KLHL29: variants seen among roughly 807,000 people sequenced by gnomAD.
KLHL29 encodes the protein kelch like family member 29, also known as kelch-like protein 29.
Under a neutral mutation model 80.4 loss-of-function variants are expected in KLHL29, and 21 were observed. That is an observed-to-expected ratio of 0.26 (90% CI 0.19 to 0.38). The LOEUF is 0.38. Among genes scored for constraint, KLHL29 ranks in the 10% least tolerant of loss-of-function variants. The pLI, the probability that KLHL29 is intolerant of heterozygous loss-of-function variation, is 1.00. For synonymous variants in KLHL29, 511 were observed against 526.8 expected (o/e 0.97, Z 0.41); for missense variants, 867 against 1,223.9 (o/e 0.71, Z 4.35).
intron 1 of KLHL29, among the ~76,000 whole-genome samples, chr2:23,473,818 A>G (rs769432415): frequency 6.6e-6 from 1 of 151,924 alleles, no homozygotes; most frequent in South Asian, 2.1e-4. Flanking sequence ...CTCTGGCCTC[A>G]CCTCTTACTA....
At chr2:23,405,393 A>G (rs1666699193) in intron 1 of KLHL29, among the ~76,000 whole-genome samples, 1 of 152,252 alleles carries the variant, frequency 6.6e-6, no homozygotes, top group African/African-American at 2.4e-5. Flanking sequence ...ATCATTTGAC[A>G]AAACAATGCA....
intron 2 of KLHL29, among the ~76,000 whole-genome samples, chr2:23,494,886 G>C (rs1015745384): frequency 3.3e-5 from 5 of 152,114 alleles, no homozygotes; most frequent in African/African-American, 1.2e-4. Context: ...CACTGGCCTT[G>C]CACTATTGCA....
rs1222859314 is a variant in KLHL29 at position 23,681,444 on chromosome 2, T to C, written c.941-2955T>C. Among the ~76,000 whole-genome samples the C allele has an allele frequency of 6.6e-6, 1 of 152,156 alleles. No individual in the cohort carries two copies. The highest frequency in any genetic ancestry group is 1.5e-5 in the Non-Finnish European group (1 of 68,024). Reference sequence around the variant, plus strand: ...GGGGCTGGGGCTTTAGATAGAATCATTGCCGGGACCTCGATTTGAAAGGAA... The same window carrying C: ...GGGGCTGGGGCTTTAGATAGAATCACTGCCGGGACCTCGATTTGAAAGGAA... On this transcript the variant is annotated intron_variant, in intron 5 of 13. Transcript: ENST00000486442. The surrounding 1 kb of genome is among the most constrained non-coding windows in gnomAD (Gnocchi z 4.2).
intron 3 of KLHL29, among the ~76,000 whole-genome samples, chr2:23,610,061 G>T (rs1204672758): frequency 1.3e-5 from 2 of 152,150 alleles, no homozygotes; most frequent in East Asian, 3.8e-4. Context: ...GGATCACATG[G>T]TATCAGAAGC....
At chr2:23,556,549 A>G (rs1667302128) in intron 2 of KLHL29, among the ~76,000 whole-genome samples, 2 of 151,518 alleles carry the variant, frequency 1.3e-5, no homozygotes, top group African/African-American at 2.4e-5. Flanking sequence ...AATACGCAGG[A>G]GGCTGAGGCA....
intron 6 of KLHL29, among the ~76,000 whole-genome samples, chr2:23,688,428 G>A (rs1288614940): frequency 6.6e-6 from 1 of 152,186 alleles, no homozygotes; most frequent in Non-Finnish European, 1.5e-5. Context: ...TGATCTCTGA[G>A]GTGCATGAGG....
intron 2 of KLHL29, among the ~76,000 whole-genome samples, chr2:23,492,146 G>A (rs1219738238): frequency 6.6e-6 from 1 of 152,176 alleles, no homozygotes; most frequent in African/African-American, 2.4e-5. Flanking sequence ...CCAGACACCT[G>A]TGCTGAAAGC....
intron 2 of KLHL29, among the ~76,000 whole-genome samples, chr2:23,519,208 G>A (rs944739251): frequency 3.3e-5 from 5 of 152,158 alleles, no homozygotes; most frequent in Non-Finnish European, 7.3e-5. Flanking sequence ...CTGACCCTCC[G>A]CTAGTCAGTC....
intron 1 of KLHL29, among the ~76,000 whole-genome samples, chr2:23,454,292 TC>T (rs1663976832): frequency 7.7e-6 from 1 of 129,938 alleles, no homozygotes; most frequent in South Asian, 2.7e-4. Context: ...TCACCTCCCC[TC>T]CCCTCCTGTC....
At chr2:23,541,518 C>G (rs1291975938) in intron 2 of KLHL29, among the ~76,000 whole-genome samples, 1 of 152,238 alleles carries the variant, frequency 6.6e-6, no homozygotes, top group Non-Finnish European at 1.5e-5. Flanking sequence ...AGCCCCAGCA[C>G]AGTGCTGAGT....
chr2:23,436,646 A>C (rs987534209), intron 1 of KLHL29, among the ~76,000 whole-genome samples: 3 of 152,214 alleles, frequency 2.0e-5, no homozygotes, highest in African/African-American at 7.2e-5. Context: ...AGCCCTGACG[A>C]TTCTGAGGGT....
intron 3 of KLHL29, among the ~76,000 whole-genome samples, chr2:23,581,432 C>G (rs916450131): frequency 1.3e-5 from 2 of 152,186 alleles, no homozygotes; most frequent in African/African-American, 4.8e-5. Context: ...GTCAATGACT[C>G]CACTTGCGAT....
At chr2:23,579,766 G>A (rs1327647318) in intron 3 of KLHL29, among the ~76,000 whole-genome samples, 2 of 152,070 alleles carry the variant, frequency 1.3e-5, no homozygotes, top group African/African-American at 4.8e-5. Flanking sequence ...GACCCTTGGC[G>A]ATCCCACCTC....
intron 3 of KLHL29, among the ~76,000 whole-genome samples, chr2:23,581,280 C>T (rs998429461): frequency 1.1e-4 from 17 of 152,180 alleles, no homozygotes; most frequent in African/African-American, 3.9e-4. Context: ...ACTCCCCACC[C>T]GGTCTTCCTT....
At chr2:23,622,766 G>A (rs1669215917) in intron 3 of KLHL29, among the ~76,000 whole-genome samples, 1 of 152,248 alleles carries the variant, frequency 6.6e-6, no homozygotes, top group Admixed American at 6.5e-5. Context: ...AACACAGGGA[G>A]CTTCCACATA....
intron 1 of KLHL29, among the ~76,000 whole-genome samples, chr2:23,447,674 C>T (rs1663739480): frequency 6.6e-6 from 1 of 152,164 alleles, no homozygotes; most frequent in Non-Finnish European, 1.5e-5. Context: ...TATTTCTTAT[C>T]CGAAGGGCCC....
At chr2:23,594,869 A>G (rs923916273) in intron 3 of KLHL29, among the ~76,000 whole-genome samples, 4 of 152,196 alleles carry the variant, frequency 2.6e-5, no homozygotes, top group African/African-American at 9.7e-5. Flanking sequence ...AGGTCAGGAC[A>G]TTTATTTATT....
chr2:23,529,073 G>A (rs1666416083), intron 2 of KLHL29, among the ~76,000 whole-genome samples: 1 of 152,192 alleles, frequency 6.6e-6, no homozygotes, highest in Non-Finnish European at 1.5e-5. Context: ...ACCATACGTA[G>A]GGCCGAAGTA....
chr2:23,473,005 C>A (rs1664540014), intron 1 of KLHL29, among the ~76,000 whole-genome samples: 2 of 152,160 alleles, frequency 1.3e-5, no homozygotes, highest in Admixed American at 1.3e-4. Flanking sequence ...AGCACAGTGC[C>A]CCCAGGCTGA....
Sources: allele counts gnomAD v4.1 joint callset (sites outside exome capture counted in the v4.1 genomes callset), GRCh38; gene constraint gnomAD v4.1.1; non-coding constraint Gnocchi (gnomAD v3.1); transcripts MANE v1.5; gene names NCBI Gene and HGNC (gene_info 2026-07-23, HGNC 2026-07-21).